The following EDA variants were observed in gnomAD, a reference collection of about 807,000 sequenced individuals.
EDA encodes the protein ectodysplasin-A.
EDA carries 2 observed loss-of-function variants against 23.6 expected under a neutral mutation model. The observed-to-expected ratio is 0.08, with a 90% CI of 0.03 to 0.27. EDA has a LOEUF of 0.27. EDA is among the 10% of genes least tolerant of loss of function. The probability of loss-of-function intolerance (pLI) is 1.00; values close to 1 mark genes in which losing one functional copy is unlikely to be tolerated. For synonymous variants in EDA, 131 were observed against 132.0 expected (o/e 0.99, Z 0.05); for missense variants, 229 against 324.2 (o/e 0.71, Z 2.26).
chrX:69,798,959 C>A (rs2015610264), intron 1 of EDA, among the ~76,000 whole-genome samples: 1 of 111,056 alleles, frequency 9.0e-6, no homozygotes, highest in Non-Finnish European at 1.9e-5. Context: ...ATACCACAGA[C>A]CTATAGTAAC....
intron 1 of EDA, among the ~76,000 whole-genome samples, chrX:69,930,156 A>G (rs1228646995): frequency 8.9e-6 from 1 of 111,939 alleles, no homozygotes; most frequent in Non-Finnish European, 1.9e-5. Context: ...GTATTTGACT[A>G]GAGCAAGTAA....
chrX:69,980,078 TCTGTGATTTCA>T (rs1251837772), intron 2 of EDA, among the ~76,000 whole-genome samples: 1 of 111,663 alleles, frequency 9.0e-6, no homozygotes, highest in Non-Finnish European at 1.9e-5. Flanking sequence ...CTCAAGTGGC[TCTGTGATTTCA>T]CTGTGATTTC....
chrX:69,876,699 G>A (rs1012299949), intron 1 of EDA, among the ~76,000 whole-genome samples: 1 of 111,604 alleles, frequency 9.0e-6, no homozygotes, highest in African/African-American at 3.2e-5. Context: ...GAATATGTAG[G>A]TTTTTGCATC....
intron 1 of EDA, among the ~76,000 whole-genome samples, chrX:69,796,495 G>A (rs1026347670): frequency 9.0e-6 from 1 of 111,561 alleles, no homozygotes; most frequent in African/African-American, 3.3e-5. Context: ...ATCATACAGA[G>A]ACTACACTGC....
intron 1 of EDA, among the ~76,000 whole-genome samples, chrX:69,644,106 A>C (rs2147233429): frequency 9.0e-6 from 1 of 110,540 alleles, no homozygotes; most frequent in Admixed American, 9.6e-5. Flanking sequence ...GTTCTATATA[A>C]ATTTTAAAAT....
At chrX:69,755,803 C>T (rs1434730975) in intron 1 of EDA, among the ~76,000 whole-genome samples, 8 of 112,524 alleles carry the variant, frequency 7.1e-5, no homozygotes, top group Non-Finnish European at 1.3e-4. Flanking sequence ...CCTTGCAGTT[C>T]GATCTCAGAC....
At chrX:69,920,769 G>A (rs1285493994) in intron 1 of EDA, among the ~76,000 whole-genome samples, 2 of 111,372 alleles carry the variant, frequency 1.8e-5, no homozygotes, top group Non-Finnish European at 3.8e-5. Flanking sequence ...GCCAAGTAGT[G>A]TTTGTCAGAT....
chrX:69,660,609 G>A (rs1933459109), intron 1 of EDA, among the ~76,000 whole-genome samples: 1 of 109,003 alleles, frequency 9.2e-6, no homozygotes, highest in South Asian at 4.0e-4. Flanking sequence ...TTCTGTCATT[G>A]CGATAGTTTG....
chrX:69,736,011 A>G (rs1189502563), intron 1 of EDA, among the ~76,000 whole-genome samples: 1 of 44,659 alleles, frequency 2.2e-5, no homozygotes, highest in Non-Finnish European at 5.9e-5. Context: ...TCTGCAAGAG[A>G]AAAAAAAAAA....
intron 1 of EDA, among the ~76,000 whole-genome samples, chrX:69,898,961 A>G (rs2018060229): frequency 8.9e-6 from 1 of 112,042 alleles, no homozygotes; most frequent in Non-Finnish European, 1.9e-5. Context: ...CATGGCTTTC[A>G]GCAGACATTT....
At chrX:69,966,441 G>A (rs1179314883) in intron 2 of EDA, among the ~76,000 whole-genome samples, 1 of 110,248 alleles carries the variant, frequency 9.1e-6, no homozygotes, top group African/African-American at 3.3e-5. Flanking sequence ...TTAGCCAGGT[G>A]TGGTGGCATG....
chrX:69,647,927 A>G (rs1406692454), intron 1 of EDA, among the ~76,000 whole-genome samples: 11 of 110,826 alleles, frequency 9.9e-5, no homozygotes. Flanking sequence ...TTTCCTTTTA[A>G]CAGTCAGGCC....
At chrX:69,891,778 GGA>G (rs1272924178) in intron 1 of EDA, among the ~76,000 whole-genome samples, 1 of 111,050 alleles carries the variant, frequency 9.0e-6, no homozygotes, top group African/African-American at 3.3e-5. Flanking sequence ...GGGAGTGGGA[GGA>G]GAGAGAGGAT....
chrX:69,850,223 C>T (rs1022882271), intron 1 of EDA, among the ~76,000 whole-genome samples: 1 of 111,930 alleles, frequency 8.9e-6, no homozygotes, highest in East Asian at 2.8e-4. Context: ...GTTGATTCCA[C>T]GCATGTAGTT....
In EDA at chrX:70,030,498, G is replaced by T; in HGVS notation, c.771G>T (p.Gly257=). ...CTGTGGTGCATCTACAGGGCCAAGGGTCAGCAATTCAAGTCAAGAATGGTA... is the reference window on the plus strand; with the variant it reads ...CTGTGGTGCATCTACAGGGCCAAGGTTCAGCAATTCAAGTCAAGAATGGTA... ...QPAVVHLQGQ[G]SAIQVKNDLS... The change falls in exon 6 of 8, where the codon GGG becomes GGT. Residue 257 remains glycine (G), a synonymous_variant. Coordinates refer to ENST00000374552, the MANE Select transcript of EDA (RefSeq NM_001399.5). The T allele has an allele frequency of 1.7e-6, 2 of 1,206,268 alleles. No individual in the cohort carries two copies. The highest frequency in any genetic ancestry group is 2.2e-6 in the Non-Finnish European group (2 of 892,369).
intron 1 of EDA, among the ~76,000 whole-genome samples, chrX:69,805,649 T>C (rs951104890): frequency 1.4e-4 from 16 of 111,664 alleles, no homozygotes; most frequent in Non-Finnish European, 2.5e-4. Context: ...ATTAACAACA[T>C]GTTGTGCTAT....
chrX:69,644,660 A>G (rs995932240), intron 1 of EDA, among the ~76,000 whole-genome samples: 1 of 110,919 alleles, frequency 9.0e-6, no homozygotes, highest in African/African-American at 3.3e-5. Context: ...GTTGAATAGG[A>G]GTGGTAAGAG....
At chrX:69,647,694 T>A (rs1234297902) in intron 1 of EDA, among the ~76,000 whole-genome samples, 1 of 111,856 alleles carries the variant, frequency 8.9e-6, no homozygotes, top group East Asian at 2.8e-4. Flanking sequence ...TTCCATCTAT[T>A]CAGCCATCTC....
intron 1 of EDA, among the ~76,000 whole-genome samples, chrX:69,827,055 C>G (rs2016460485): frequency 8.9e-6 from 1 of 112,129 alleles, no homozygotes; most frequent in South Asian, 3.7e-4. Context: ...TTTAGAGTTT[C>G]TGCCGAGAGA....
Sources: gnomAD v4.1 joint callset for allele counts (sites outside exome capture counted in the v4.1 genomes callset) on GRCh38, gnomAD v4.1.1 for gene constraint, MANE v1.5 for transcripts, NCBI Gene and HGNC (gene_info 2026-07-23, HGNC 2026-07-21) for gene names.